Variants in GRID1 observed in about 807,000 individuals in gnomAD.
GRID1 encodes the protein glutamate ionotropic receptor delta type subunit 1.
GRID1 carries 28 observed loss-of-function variants against 98.0 expected under a neutral mutation model. The observed-to-expected ratio is 0.29, with a 90% CI of 0.21 to 0.39. GRID1 has a LOEUF of 0.39. Among genes scored for constraint, GRID1 ranks in the 10% least tolerant of loss-of-function variants. The pLI is 1.00. For synonymous variants in GRID1, 553 were observed against 538.5 expected (o/e 1.03, Z -0.37); for missense variants, 1,111 against 1,340.5 (o/e 0.83, Z 2.67).
chr10:86,244,544 C>T (rs956160231), intron 2 of GRID1, among the ~76,000 whole-genome samples: 8 of 152,238 alleles, frequency 5.3e-5, no homozygotes, highest in South Asian at 2.1e-4. Flanking sequence ...TGCTAAGCAG[C>T]GCGCCTGCAA....
At chr10:86,085,496 A>G (rs1180475193) in intron 4 of GRID1, among the ~76,000 whole-genome samples, 2 of 152,158 alleles carry the variant, frequency 1.3e-5, no homozygotes, top group South Asian at 2.1e-4. Context: ...TACTCTCCCA[A>G]TTGTACTCTC....
rs200314609 is a variant in GRID1, at chr10:86,042,093, G to A, written c.726+96726C>T. Among the ~76,000 whole-genome samples the A allele has an allele frequency of 5.9e-5, 9 of 152,314 alleles. No homozygotes were observed. In the East Asian group the frequency reaches 1.7e-3, roughly 29 times the overall value. Reference sequence around the variant, plus strand: ...TCCACCAGCTCCTCAGACAGCCCTCGCCATGCAAGGGGGAAACTGGGAGGG... The same window carrying A: ...TCCACCAGCTCCTCAGACAGCCCTCACCATGCAAGGGGGAAACTGGGAGGG... On this transcript the variant is annotated intron_variant, in intron 4 of 15. Transcript: ENST00000327946.
chr10:86,029,800 A>G (rs1202200632), intron 4 of GRID1, among the ~76,000 whole-genome samples: 1 of 152,190 alleles, frequency 6.6e-6, no homozygotes, highest in Non-Finnish European at 1.5e-5. Context: ...AAATTCTGCC[A>G]GGTAATGAAA....
At chr10:86,305,072 T>C (rs1847740707) in intron 2 of GRID1, among the ~76,000 whole-genome samples, 1 of 150,884 alleles carries the variant, frequency 6.6e-6, no homozygotes, top group South Asian at 2.1e-4. Flanking sequence ...TTACCTTCTA[T>C]AGTGTGGGTA....
At chr10:86,269,500 T>C (rs1389948287) in intron 2 of GRID1, among the ~76,000 whole-genome samples, 2 of 152,206 alleles carry the variant, frequency 1.3e-5, no homozygotes, top group Non-Finnish European at 2.9e-5. Context: ...CTGGCTGACA[T>C]TGACCCCTGC....
intron 3 of GRID1, among the ~76,000 whole-genome samples, chr10:86,181,671 G>C (rs1845657536): frequency 6.6e-6 from 1 of 152,166 alleles, no homozygotes; most frequent in Non-Finnish European, 1.5e-5. Context: ...CAGAAACACA[G>C]ACACACACAT....
chr10:85,947,956 A>G (rs574952490), intron 4 of GRID1, among the ~76,000 whole-genome samples: 1 of 152,374 alleles, frequency 6.6e-6, no homozygotes, highest in Admixed American at 6.5e-5. Flanking sequence ...TACCAAGCTG[A>G]GGAAATTTTT....
intron 5 of GRID1, among the ~76,000 whole-genome samples, chr10:85,907,543 C>G (rs1841479872): frequency 6.6e-6 from 1 of 152,190 alleles, no homozygotes; most frequent in Non-Finnish European, 1.5e-5. Context: ...TAAAACACTT[C>G]CCTAAAGAAA....
At chr10:85,743,091 GA>G (rs1289223188) in intron 8 of GRID1, among the ~76,000 whole-genome samples, 6 of 134,036 alleles carry the variant, frequency 4.5e-5, no homozygotes, top group Admixed American at 4.3e-4. Flanking sequence ...ACCCTTGGAG[GA>G]TAGAATTATG....
At chr10:85,709,323 A>T (rs1334657638) in intron 12 of GRID1, among the ~76,000 whole-genome samples, 1 of 152,240 alleles carries the variant, frequency 6.6e-6, no homozygotes, top group East Asian at 1.9e-4. Context: ...CTTAAAAAAT[A>T]ATTGTAGATG....
intron 8 of GRID1, among the ~76,000 whole-genome samples, chr10:85,770,804 T>G (rs1842256860): frequency 1.3e-5 from 2 of 152,118 alleles, no homozygotes. Context: ...GAACAAAGCC[T>G]CCAAGAAATA....
At chr10:86,001,570 G>A (rs1842802831) in intron 4 of GRID1, among the ~76,000 whole-genome samples, 1 of 152,120 alleles carries the variant, frequency 6.6e-6, no homozygotes, top group Admixed American at 6.5e-5. Context: ...CAGAGTTTGG[G>A]AAAGATTTCC....
chr10:86,083,335 A>G (rs532040673), intron 4 of GRID1, among the ~76,000 whole-genome samples: 1 of 152,262 alleles, frequency 6.6e-6, no homozygotes, highest in African/African-American at 2.4e-5. Flanking sequence ...GCTCCATGCC[A>G]TCGTTTCCAT....
At chr10:86,019,312 C>T (rs1051652521) in intron 4 of GRID1, among the ~76,000 whole-genome samples, 4 of 152,246 alleles carry the variant, frequency 2.6e-5, no homozygotes, top group African/African-American at 9.6e-5. Flanking sequence ...TCTGCACAGG[C>T]ATGTGCCCCC....
intron 4 of GRID1, among the ~76,000 whole-genome samples, chr10:85,934,518 G>A (rs948456212): frequency 6.6e-6 from 1 of 152,004 alleles, no homozygotes; most frequent in South Asian, 2.1e-4. Context: ...ATTGGAGCCA[G>A]AGTCTGGGCT....
In GRID1 at chr10:85,737,686, T is replaced by TTTTA. The variant is rs1189478889; in HGVS notation, c.1234-8073_1234-8072insTAAA. Among the ~76,000 whole-genome samples, 6 of 95,564 alleles carry TTTTA rather than the reference T, an allele frequency of 6.3e-5. 1 individual carries two copies. The highest frequency in any genetic ancestry group is 1.5e-4 in the African/African-American group (4 of 27,042). 62.7% of individuals were successfully genotyped at this position (95,564 alleles called of 152,430 possible). A position where few individuals can be genotyped will look rare whatever the true frequency, so the allele number is the denominator to read the frequency against. Reference sequence around the variant, plus strand: ...TATATATATATATAAACATATATGGTTATATATATATATATATAACATACA... The same window carrying TTTTA: ...TATATATATATATAAACATATATGGTTTTATATATATATATATATATAACATACA... On this transcript the variant is annotated intron_variant, in intron 8 of 15. Transcript: ENST00000327946.
chr10:86,182,428 G>A (rs1490905980), intron 3 of GRID1, among the ~76,000 whole-genome samples: 3 of 152,214 alleles, frequency 2.0e-5, no homozygotes, highest in South Asian at 2.1e-4. Flanking sequence ...GCCCCAGCAC[G>A]GCAGCCTGGT....
chr10:86,152,480 G>A lies in GRID1; in HGVS notation c.521-13456C>T, dbSNP rs145727699. Among the ~76,000 whole-genome samples, 1,086 of 152,344 alleles carry A rather than the reference G, an allele frequency of 7.1e-3. 19 individuals carry two copies. The highest frequency in any genetic ancestry group is 0.025 in the African/African-American group (1,023 of 41,576). ...GCACTGGAGTGAGCCCTGAAGCCCC[G>A]CTCTGCGCCCGAGAGCCCCCATAGC... is the stretch of plus-strand genomic sequence containing the variant. On this transcript the variant is annotated intron_variant, in intron 3 of 15. Coordinates refer to ENST00000327946, the MANE Select transcript of GRID1 (RefSeq NM_017551.3).
chr10:85,914,264 G>C (rs185015002), intron 5 of GRID1, among the ~76,000 whole-genome samples: 4 of 152,144 alleles, frequency 2.6e-5, no homozygotes, highest in Admixed American at 2.6e-4. Flanking sequence ...ATGTAAAAAC[G>C]GAGTAATTCT....
Sources: gnomAD v4.1 joint callset for allele counts (sites outside exome capture counted in the v4.1 genomes callset) on GRCh38, gnomAD v4.1.1 for gene constraint, MANE v1.5 for transcripts, NCBI Gene and HGNC (gene_info 2026-07-23, HGNC 2026-07-21) for gene names.